Variants in ZCCHC10 observed in about 807,000 individuals in gnomAD.
ZCCHC10 encodes zinc finger CCHC domain-containing protein 10.
Under a neutral mutation model 19.5 loss-of-function variants are expected in ZCCHC10, and 16 were observed. The observed-to-expected ratio is 0.82, with a 90% confidence interval of 0.56 to 1.25. The LOEUF is 1.25. Among genes scored for constraint, ZCCHC10 ranks in the 50% most tolerant of loss-of-function variants. The probability of loss-of-function intolerance (pLI) is 0.00; values close to 1 mark genes in which losing one functional copy is unlikely to be tolerated. For synonymous variants in ZCCHC10, 67 were observed against 72.5 expected, an observed-to-expected ratio of 0.92 and a Z score of 0.38; for missense variants, 197 against 201.0, an observed-to-expected ratio of 0.98 and a Z score of 0.12.
chr5:133,025,609 G>A (rs1764648204), intron 1 of ZCCHC10, among the ~76,000 whole-genome samples: 1 of 151,226 alleles, frequency 6.6e-6, no homozygotes, highest in African/African-American at 2.4e-5. Context: ...TTGTTCATTA[G>A]GCGTAATGGC....
At chr5:133,013,388 A>C (rs1286841909) in intron 2 of ZCCHC10, among the ~76,000 whole-genome samples, 3 of 152,272 alleles carry the variant, frequency 2.0e-5, no homozygotes, top group Middle Eastern at 3.4e-3. Flanking sequence ...TCCCAGAAAG[A>C]CTAAAAATAA....
rs1279143585 is a variant in ZCCHC10, at chr5:132,997,134, T to G, written c.*1449A>C. 6.6e-6 allele frequency: 1 copy of G among 152,206 alleles called. No homozygotes were observed. Among genetic ancestry groups the G allele is most frequent in the Non-Finnish European group, 1.5e-5 (1 of 68,030 alleles). 9.4% of individuals were successfully genotyped at this position (152,206 alleles called of 1,614,324 possible). A position where few individuals can be genotyped will look rare whatever the true frequency, so the allele number is the denominator to read the frequency against. On this transcript the variant is annotated 3_prime_UTR_variant, in exon 5 of 5. Coordinates refer to ENST00000509437, the MANE Select transcript of ZCCHC10 (RefSeq NM_001300816.3). Reference sequence around the variant, plus strand: ...AAAATGTGCCTGATTGGTAATTTATTAACTCTATCTGTCAAGTGATAATAT... The same window carrying G: ...AAAATGTGCCTGATTGGTAATTTATGAACTCTATCTGTCAAGTGATAATAT...
chr5:132,998,185 T>G lies in ZCCHC10; in HGVS notation c.*398A>C, dbSNP rs546247734. ...ACAACATATTAAATCTTACATAACA[T>G]ACAGCCAAAAGCATTAGAAATCCAC... On this transcript the variant is annotated 3_prime_UTR_variant, in exon 5 of 5. Coordinates refer to ENST00000509437, the MANE Select transcript of ZCCHC10 (RefSeq NM_001300816.3). The G allele has an allele frequency of 6.0e-6, 1 of 168,016 alleles. No homozygotes were observed. The highest frequency in any genetic ancestry group is 1.3e-5 in the Non-Finnish European group (1 of 76,790). The allele number at this position is 168,016 out of a possible 1,614,324, so 10.4% of individuals were successfully genotyped here. A position where few individuals can be genotyped will look rare whatever the true frequency, so the allele number is the denominator to read the frequency against.
intron 2 of ZCCHC10, among the ~76,000 whole-genome samples, chr5:133,008,198 C>T (rs1431248425): frequency 7.7e-6 from 1 of 130,380 alleles, no homozygotes; most frequent in African/African-American, 3.0e-5. Flanking sequence ...GCACTCCAGT[C>T]TGGGTGACAG....
chr5:133,020,869 C>T (rs1303564639), intron 2 of ZCCHC10, among the ~76,000 whole-genome samples: 2 of 151,786 alleles, frequency 1.3e-5, no homozygotes, highest in Admixed American at 6.6e-5. Flanking sequence ...TACAAGCGCC[C>T]GCCACCATGC....
chr5:133,009,237 A>G (rs1248284789), intron 2 of ZCCHC10, among the ~76,000 whole-genome samples: 3 of 151,890 alleles, frequency 2.0e-5, no homozygotes, highest in Non-Finnish European at 4.4e-5. Context: ...TCCTGGCCTC[A>G]AGTGATCCAC....
intron 1 of ZCCHC10, among the ~76,000 whole-genome samples, chr5:133,024,994 G>A (rs1015249560): frequency 1.3e-5 from 2 of 152,138 alleles, no homozygotes; most frequent in South Asian, 2.1e-4. Context: ...GTACATTTGA[G>A]GAACTCTTCT....
intron 3 of ZCCHC10, among the ~76,000 whole-genome samples, chr5:133,006,299 C>G (rs1259194065): frequency 6.6e-6 from 1 of 152,134 alleles, no homozygotes; most frequent in Non-Finnish European, 1.5e-5. Context: ...ATTCTGTTCT[C>G]TACCTTAATT....
At chr5:133,020,497 G>A (rs1764231864) in intron 2 of ZCCHC10, among the ~76,000 whole-genome samples, 1 of 151,662 alleles carries the variant, frequency 6.6e-6, no homozygotes, top group Non-Finnish European at 1.5e-5. Context: ...GTGGGTTGCA[G>A]CTGTAGTCTC....
intron 3 of ZCCHC10, among the ~76,000 whole-genome samples, chr5:133,005,579 T>C (rs571772196): frequency 4.6e-5 from 7 of 152,206 alleles, no homozygotes; most frequent in African/African-American, 7.2e-5. Context: ...GCACTCCAGA[T>C]TGGATGACAC....
chr5:133,000,510 C>T (rs1252910672), intron 3 of ZCCHC10, among the ~76,000 whole-genome samples: 2 of 152,114 alleles, frequency 1.3e-5, no homozygotes, highest in African/African-American at 4.8e-5. Flanking sequence ...AACAACAGAA[C>T]AAAGCTAATA....
chr5:133,019,052 T>G (rs780180828), intron 2 of ZCCHC10: 2 of 450,866 alleles, frequency 4.4e-6, no homozygotes, highest in South Asian at 3.1e-5. Flanking sequence ...GTTTGTTTTT[T>G]ATTGTTATAA....
At chr5:133,007,787 C>T (rs1381666601) in intron 2 of ZCCHC10, among the ~76,000 whole-genome samples, 1 of 152,142 alleles carries the variant, frequency 6.6e-6, no homozygotes, top group African/African-American at 2.4e-5. Context: ...TGGTTAAAAG[C>T]ATAGACCTTG....
chr5:133,003,891 G>T (rs1018386714), intron 3 of ZCCHC10, among the ~76,000 whole-genome samples: 1 of 151,892 alleles, frequency 6.6e-6, no homozygotes, highest in South Asian at 2.1e-4. Flanking sequence ...TGTATTTTTA[G>T]TAGAGACAGG....
chr5:133,007,993 A>T (rs1763235631), intron 2 of ZCCHC10, among the ~76,000 whole-genome samples: 1 of 152,018 alleles, frequency 6.6e-6, no homozygotes, highest in African/African-American at 2.4e-5. Flanking sequence ...TGGGAGGCTA[A>T]GGCAGGCGGA....
chr5:132,997,731 A>G lies in ZCCHC10; in HGVS notation c.*852T>C, dbSNP rs183583770. 1 of 152,184 alleles carries G rather than the reference A, an allele frequency of 6.6e-6. No individual in the cohort carries two copies. Among genetic ancestry groups the G allele is most frequent in the Non-Finnish European group, 1.5e-5 (1 of 68,018 alleles). The allele number at this position is 152,184 out of a possible 1,614,324, so 9.4% of individuals were successfully genotyped here. On this transcript the variant is annotated 3_prime_UTR_variant, in exon 5 of 5. Coordinates refer to ENST00000509437, the MANE Select transcript of ZCCHC10 (RefSeq NM_001300816.3). ...CAACATTGCCCTAATTTTCAGTAAA[A>G]ATTACCTCTTCTTCCTACCTTTCCC...
At chr5:133,019,200 G>C in intron 2 of ZCCHC10, 1 of 340,866 alleles carries the variant, frequency 2.9e-6, no homozygotes, top group Non-Finnish European at 5.7e-6. Flanking sequence ...GGGCAACACT[G>C]TCTCTAAAAA....
chr5:133,026,493 T>A lies in ZCCHC10; in HGVS notation c.41+4A>T. On this transcript the variant is annotated splice_donor_region_variant and intron_variant, in intron 1 of 4. Transcript: ENST00000509437. ...CAGTGGACCCGAACCGGATCCTTACTTACGCTTGTCTCCGGGCTATTAGCC... is the reference window on the plus strand; with the variant it reads ...CAGTGGACCCGAACCGGATCCTTACATACGCTTGTCTCCGGGCTATTAGCC... 1 of 1,613,664 alleles carries A rather than the reference T, an allele frequency of 6.2e-7. No homozygotes were observed. Among genetic ancestry groups the A allele is most frequent in the Non-Finnish European group, 8.5e-7 (1 of 1,179,898 alleles).
chr5:133,011,371 T>A (rs552496669), intron 2 of ZCCHC10: 5 of 150,976 alleles, frequency 3.3e-5, no homozygotes, highest in African/African-American at 1.2e-4. Context: ...ACACCTGTAA[T>A]CCCAACACTT....
Sources: gnomAD v4.1 joint callset for allele counts (sites outside exome capture counted in the v4.1 genomes callset) on GRCh38, gnomAD v4.1.1 for gene constraint, MANE v1.5 for transcripts, NCBI Gene and HGNC (gene_info 2026-07-23, HGNC 2026-07-21) for gene names.